The following SLC30A1 variants were observed in gnomAD, a reference collection of about 807,000 sequenced individuals.
SLC30A1 encodes the protein proton-coupled zinc antiporter SLC30A1.
SLC30A1 carries 7 observed loss-of-function variants against 29.8 expected under a neutral mutation model. The observed-to-expected ratio is 0.23, with a 90% CI of 0.13 to 0.44. The LOEUF is 0.44. Ranked by LOEUF, SLC30A1 falls within the 20% of genes least tolerant of loss-of-function variation. The pLI, the probability that SLC30A1 is intolerant of heterozygous loss-of-function variation, is 1.00. For missense variants in SLC30A1, 446 were observed against 647.9 expected (o/e 0.69, Z 3.38); for synonymous variants, 254 against 253.5 (o/e 1.00, Z -0.02).
In SLC30A1 at chr1:211,578,040, G is replaced by C. The variant is rs764040247; in HGVS notation, c.573C>G (p.Thr191=). The stretch of plus-strand genomic sequence containing the variant: ...TGGAGTTGCTGGTATTGGCCACCAG[G>C]GTGTTGGTCTCCTCCTGGTCGGGAC... ...EQGPDQEETN[T]LVANTSNSNG... is the part of the protein sequence containing the mutation. Residue 191 remains threonine, a synonymous_variant, in exon 1 of 2, where the codon ACC becomes ACG. Transcript: ENST00000367001. 20 of 1,613,120 alleles carry C rather than the reference G, an allele frequency of 1.2e-5. No homozygotes were observed. The highest frequency in any genetic ancestry group is 2.2e-5 in the East Asian group (1 of 44,892).
chr1:211,575,542 T>A lies in SLC30A1; in HGVS notation c.1370A>T (p.Lys457Met). 1 of 1,614,226 alleles carries A rather than the reference T, an allele frequency of 6.2e-7. No homozygotes were observed. The highest frequency in any genetic ancestry group is 8.5e-7 in the Non-Finnish European group (1 of 1,180,024). Reference protein sequence around the residue: ...CGTLPQAPSGKDAEKTPAVSI... With the variant: ...CGTLPQAPSGMDAEKTPAVSI... ...AACTGCTGGGGTCTTTTCTGCATCC[T>A]TTCCAGAAGGGGCTTGTGGTAGTGT... The change falls in exon 2 of 2, where the codon AAG becomes ATG. Residue 457 changes from lysine (K) to methionine (M), a missense_variant. This residue lies in a region of SLC30A1 where 187 missense variants were observed against 312.7 expected (regional missense o/e 0.60). Transcript: ENST00000367001. This position sits in a 1 kb window ranked among gnomAD's most constrained non-coding sequence, Gnocchi z 6.0.
rs1706703579 is a variant in SLC30A1, at chr1:211,575,200, C to CTAAT, written c.*184_*187dup. 1 of 579,742 alleles carries CTAAT rather than the reference C, an allele frequency of 1.7e-6. No homozygotes were observed. Among genetic ancestry groups the CTAAT allele is most frequent in the African/African-American group, 1.9e-5 (1 of 53,544 alleles). 35.9% of individuals were successfully genotyped at this position (579,742 alleles called of 1,614,324 possible). A position where few individuals can be genotyped will look rare whatever the true frequency, so the allele number is the denominator to read the frequency against. ...AGTCACAGCATAGCTGTACTCTGTA[C>CTAAT]TAATAATCACAAAATTGTAATATAG... On this transcript the variant is annotated 3_prime_UTR_variant, in exon 2 of 2. Transcript: ENST00000367001. The surrounding 1 kb of genome is among the most constrained non-coding windows in gnomAD (Gnocchi z 6.0).
chr1:211,573,705 T>C lies in SLC30A1; in HGVS notation c.*1683A>G, dbSNP rs1359566411. On this transcript the variant is annotated 3_prime_UTR_variant, in exon 2 of 2. Transcript: ENST00000367001. ...TCAGTTTAGGAATTGAATTACACAA[T>C]ATCAGATAAGAATATTAAAAGATCA... The C allele has an allele frequency of 6.6e-6, 1 of 152,042 alleles. No homozygotes were observed. Among genetic ancestry groups the C allele is most frequent in the East Asian group, 1.9e-4 (1 of 5,204 alleles). The allele number at this position is 152,042 out of a possible 1,614,324, so 9.4% of individuals were successfully genotyped here. A position where few individuals can be genotyped will look rare whatever the true frequency, so the allele number is the denominator to read the frequency against.
rs1353031511 is a variant in SLC30A1, at chr1:211,578,382, G to C, written c.231C>G (p.Ala77=). The C allele has an allele frequency of 6.2e-7, 1 of 1,613,810 alleles. No individual in the cohort carries two copies. Among genetic ancestry groups the C allele is most frequent in the Admixed American group, 1.7e-5 (1 of 60,018 alleles). ...CGTTCACCAGAGCCCCCATTACCTC[G>C]GCTCGGATCCAGCCGAACGTGTTCT... ...TQKNTFGWIR[A]EVMGALVNAI... The change falls in exon 1 of 2, where the codon GCC becomes GCG. Residue 77 remains alanine, a synonymous_variant. Transcript: ENST00000367001.
chr1:211,578,123 G>T lies in SLC30A1; in HGVS notation c.490C>A (p.Arg164Ser). The change falls in exon 1 of 2, where the codon CGC becomes AGC. Residue 164 changes from arginine to serine, a missense_variant. Coordinates refer to ENST00000367001, the MANE Select transcript of SLC30A1 (RefSeq NM_021194.3). The stretch of plus-strand genomic sequence containing the variant: ...CTCCCGGGGCGGGTGCTCTTAACGC[G>T]AGGCCCCTTGGGGAGGCCGTGGCCG... ...GHGHGLPKGP[R>S]VKSTRPGSSD... The T allele has an allele frequency of 6.2e-7, 1 of 1,609,448 alleles. No homozygotes were observed. The highest frequency in any genetic ancestry group is 8.5e-7 in the Non-Finnish European group (1 of 1,178,604).
Position 211,575,403 on chromosome 1 carries a change from A to G in SLC30A1, c.1509T>C (p.Pro503=). ...IEIKNMPNKQ[P]ESSL is the part of the protein sequence containing the mutation. ...TTTTCAAGACTCACAAAGATGATTC[A>G]GGTTGTTTGTTTGGCATGTTTTTAA... The change falls in exon 2 of 2, where the codon CCT becomes CCC. Residue 503 remains proline, a synonymous_variant. Coordinates refer to ENST00000367001, the MANE Select transcript of SLC30A1 (RefSeq NM_021194.3). This position sits in a 1 kb window ranked among gnomAD's most constrained non-coding sequence, Gnocchi z 6.0. The G allele has an allele frequency of 6.3e-7, 1 of 1,592,636 alleles. No homozygotes were observed. The highest frequency in any genetic ancestry group is 8.5e-7 in the Non-Finnish European group (1 of 1,171,108).
chr1:211,572,023 A>G lies in SLC30A1; in HGVS notation c.*3365T>C, dbSNP rs1706659413. On this transcript the variant is annotated 3_prime_UTR_variant, in exon 2 of 2. Coordinates refer to ENST00000367001, the MANE Select transcript of SLC30A1 (RefSeq NM_021194.3). ...ATCTTTTTGCCAAAGACACTGGACC[A>G]TAAAATTTTTGGTTTAAAAGTTTAA... The G allele has an allele frequency of 6.6e-6, 1 of 152,154 alleles. No individual in the cohort carries two copies. The allele number at this position is 152,154 out of a possible 1,614,324, so 9.4% of individuals were successfully genotyped here. A position where few individuals can be genotyped will look rare whatever the true frequency, so the allele number is the denominator to read the frequency against.
Position 211,575,978 on chromosome 1 carries a change from A to T in SLC30A1, c.934T>A (p.Trp312Arg), listed in dbSNP as rs1183933041. Residue 312 changes from tryptophan to arginine, a missense_variant, in exon 2 of 2, where the codon TGG (tryptophan) becomes AGG (arginine). This residue lies in a region of SLC30A1 where 187 missense variants were observed against 312.7 expected (regional missense o/e 0.60). Coordinates refer to ENST00000367001, the MANE Select transcript of SLC30A1 (RefSeq NM_021194.3). The surrounding 1 kb of genome is among the most constrained non-coding windows in gnomAD (Gnocchi z 6.0). ...HASVYEAGPC[W>R]VLYLDPTLCV... is the part of the protein sequence containing the mutation. The stretch of plus-strand genomic sequence containing the variant: ...AGAGTTGGATCTAAATATAGCACCC[A>T]GCAAGGACCAGCCTCATAAACTGAT... 1.2e-6 allele frequency: 2 copies of T among 1,613,838 alleles called. No individual in the cohort carries two copies. The highest frequency in any genetic ancestry group is 1.7e-6 in the Non-Finnish European group (2 of 1,179,860).
chr1:211,575,732 T>C lies in SLC30A1; in HGVS notation c.1180A>G (p.Thr394Ala), dbSNP rs753738069. ...GTTTTAGCCACCTCCATGTATGATG[T>C]TGGATCTTCACATTTTATGTGAGCA... ...ATAHIKCEDP[T>A]SYMEVAKTIK... The change falls in exon 2 of 2, where the codon ACA becomes GCA. Residue 394 changes from threonine (T) to alanine (A), a missense_variant. Transcript: ENST00000367001. The surrounding 1 kb of genome is among the most constrained non-coding windows in gnomAD (Gnocchi z 6.0). 5.6e-6 allele frequency: 9 copies of C among 1,614,172 alleles called. 1 individual carries two copies. The highest frequency in any genetic ancestry group is 4.4e-5 in the South Asian group (4 of 91,080).
rs1706692936 is a variant in SLC30A1, at chr1:211,574,355, G to T, written c.*1033C>A. ...ATATCCAAACTGCATTAACCTTCTGGTTTTCTTTCCTCTCAAGTCAGTGAC... is the reference window on the plus strand; with the variant it reads ...ATATCCAAACTGCATTAACCTTCTGTTTTTCTTTCCTCTCAAGTCAGTGAC... On this transcript the variant is annotated 3_prime_UTR_variant, in exon 2 of 2. Coordinates refer to ENST00000367001, the MANE Select transcript of SLC30A1 (RefSeq NM_021194.3). 1.3e-5 allele frequency: 2 copies of T among 151,926 alleles called. No homozygotes were observed. The highest frequency in any genetic ancestry group is 4.2e-4 in the South Asian group (2 of 4,818). The allele number at this position is 151,926 out of a possible 1,614,324, so 9.4% of individuals were successfully genotyped here. A position where few individuals can be genotyped will look rare whatever the true frequency, so the allele number is the denominator to read the frequency against.
Position 211,578,199 on chromosome 1 carries a change from G to A in SLC30A1, c.414C>T (p.Ser138=), listed in dbSNP as rs1460463080. ...VLGLCLFHHH[S]GFSQDSGHGH... Reference sequence around the variant, plus strand: ...CGTGGCCGGAGTCCTGGCTGAAGCCGCTGTGATGGTGGAAGAGGCAGAGCC... The same window carrying A: ...CGTGGCCGGAGTCCTGGCTGAAGCCACTGTGATGGTGGAAGAGGCAGAGCC... The change falls in exon 1 of 2, where the codon AGC becomes AGT. Residue 138 remains serine, a synonymous_variant. Transcript: ENST00000367001. 1 of 1,610,338 alleles carries A rather than the reference G, an allele frequency of 6.2e-7. No homozygotes were observed. Among genetic ancestry groups the A allele is most frequent in the Non-Finnish European group, 8.5e-7 (1 of 1,178,910 alleles).
chr1:211,578,635 G>A lies in SLC30A1; in HGVS notation c.-23C>T, dbSNP rs746411000. On this transcript the variant is annotated 5_prime_UTR_variant, in exon 1 of 2. Coordinates refer to ENST00000367001, the MANE Select transcript of SLC30A1 (RefSeq NM_021194.3). ...CATGGCTGCGGCTGCGGGGCCCGCC[G>A]AGCCCGGCCCGGAGACTGGTGCAGC... The A allele has an allele frequency of 3.3e-6, 5 of 1,518,180 alleles. No individual in the cohort carries two copies. The East Asian group carries it at 9.6e-5, about 29-fold the overall frequency. The allele number at this position is 1,518,180 out of a possible 1,614,324, so 94.0% of individuals were successfully genotyped here. A position where few individuals can be genotyped will look rare whatever the true frequency, so the allele number is the denominator to read the frequency against.
In SLC30A1 at chr1:211,578,524, C is replaced by G. The variant is rs1219772915; in HGVS notation, c.89G>C (p.Arg30Pro). 1.2e-6 allele frequency: 2 copies of G among 1,610,896 alleles called. No individual in the cohort carries two copies. The highest frequency in any genetic ancestry group is 1.7e-6 in the Non-Finnish European group (2 of 1,179,048). Residue 30 changes from arginine to proline, a missense_variant, in exon 1 of 2, where the codon CGG becomes CCG. By Grantham distance (103) the Arg-to-Pro change is moderately radical (BLOSUM62 -2). This residue lies in a region of SLC30A1 where 62 missense variants were observed against 91.5 expected (regional missense o/e 0.68). Coordinates refer to ENST00000367001, the MANE Select transcript of SLC30A1 (RefSeq NM_021194.3). ...MFMVLEVVVS[R>P]VTSSLAMLSD... Reference sequence around the variant, plus strand: ...GAGCATCGCCAGCGACGAGGTCACCCGGCTCACCACCACCTCCAGCACCAT... The same window carrying G: ...GAGCATCGCCAGCGACGAGGTCACCGGGCTCACCACCACCTCCAGCACCAT...
In SLC30A1 at chr1:211,572,162, A is replaced by G. The variant is rs1706661255; in HGVS notation, c.*3226T>C. On this transcript the variant is annotated 3_prime_UTR_variant, in exon 2 of 2. Coordinates refer to ENST00000367001, the MANE Select transcript of SLC30A1 (RefSeq NM_021194.3). Reference sequence around the variant, plus strand: ...CATAGTATCGGTAGAGCTACATCAAAATAGTGCTATTATAATCCCAATTTC... The same window carrying G: ...CATAGTATCGGTAGAGCTACATCAAGATAGTGCTATTATAATCCCAATTTC... 2 of 152,118 alleles carry G rather than the reference A, an allele frequency of 1.3e-5. No individual in the cohort carries two copies. The highest frequency in any genetic ancestry group is 4.1e-4 in the South Asian group (2 of 4,836). The allele number at this position is 152,118 out of a possible 1,614,324, so 9.4% of individuals were successfully genotyped here.
At chr1:211,576,845 GATT>G (rs764323806) in intron 1 of SLC30A1, among the ~76,000 whole-genome samples, 6 of 152,130 alleles carry the variant, frequency 3.9e-5, no homozygotes, top group South Asian at 2.1e-4. Context: ...TAATCACAGA[GATT>G]ATTAGAAAAA....
At position 211,578,127 on chromosome 1, in the gene SLC30A1, C is replaced by T; in HGVS notation, c.486G>A (p.Gly162=). Residue 162 remains glycine, a synonymous_variant, in exon 1 of 2, where the codon GGG becomes GGA. Coordinates refer to ENST00000367001, the MANE Select transcript of SLC30A1 (RefSeq NM_021194.3). The stretch of plus-strand genomic sequence containing the variant: ...CGGGGCGGGTGCTCTTAACGCGAGG[C>T]CCCTTGGGGAGGCCGTGGCCGTGGC... ...GHGHGHGLPK[G]PRVKSTRPGS... is the part of the protein sequence containing the mutation. 1.2e-6 allele frequency: 2 copies of T among 1,609,258 alleles called. No homozygotes were observed. Among genetic ancestry groups the T allele is most frequent in the Admixed American group, 1.7e-5 (1 of 59,552 alleles).
In SLC30A1 at chr1:211,575,199, A is replaced by G. The variant is rs946961557; in HGVS notation, c.*189T>C. 5.2e-6 allele frequency: 3 copies of G among 579,224 alleles called. No individual in the cohort carries two copies. The highest frequency in any genetic ancestry group is 4.5e-5 in the South Asian group (2 of 44,134). The allele number at this position is 579,224 out of a possible 1,614,324, so 35.9% of individuals were successfully genotyped here. ...CAGTCACAGCATAGCTGTACTCTGT[A>G]CTAATAATCACAAAATTGTAATATA... On this transcript the variant is annotated 3_prime_UTR_variant, in exon 2 of 2. Transcript: ENST00000367001. This position sits in a 1 kb window ranked among gnomAD's most constrained non-coding sequence, Gnocchi z 6.0.
At position 211,575,455 on chromosome 1, in the gene SLC30A1, T is replaced by G; in HGVS notation, c.1457A>C (p.Glu486Ala). 1 of 1,613,976 alleles carries G rather than the reference T, an allele frequency of 6.2e-7. No individual in the cohort carries two copies. The highest frequency in any genetic ancestry group is 8.5e-7 in the Non-Finnish European group (1 of 1,179,910). ...CTCTATCACAACAGCAGGGATGTTT[T>G]CAGCTTTAGTCCTCCTGGGCTTCTT... ...LEKKPRRTKAENIPAVVIEIK... is the reference protein window; with the variant it reads ...LEKKPRRTKAANIPAVVIEIK... Residue 486 changes from glutamate to alanine, a missense_variant, in exon 2 of 2, where the codon GAA (glutamate) becomes GCA (alanine). Glu to Ala is a moderately radical substitution (Grantham distance 107, BLOSUM62 -1). Transcript: ENST00000367001. The surrounding 1 kb of genome is among the most constrained non-coding windows in gnomAD (Gnocchi z 6.0).
rs1468760721 is a variant in SLC30A1, at chr1:211,572,737, C to T, written c.*2651G>A. 1 of 152,068 alleles carries T rather than the reference C, an allele frequency of 6.6e-6. No individual in the cohort carries two copies. Among genetic ancestry groups the T allele is most frequent in the Non-Finnish European group, 1.5e-5 (1 of 67,946 alleles). The allele number at this position is 152,068 out of a possible 1,614,324, so 9.4% of individuals were successfully genotyped here. The stretch of plus-strand genomic sequence containing the variant: ...CATCCTTCAGAAAAAACTAAGCAAT[C>T]ATAAAAGCTAAAAGGTGACAATGGA... On this transcript the variant is annotated 3_prime_UTR_variant, in exon 2 of 2. Transcript: ENST00000367001.
Sources: gnomAD v4.1 joint callset for allele counts (sites outside exome capture counted in the v4.1 genomes callset) on GRCh38, gnomAD v4.1.1 for gene constraint, gnomAD v4.1.1 regional missense constraint, Gnocchi (gnomAD v3.1) non-coding constraint, MANE v1.5 for transcripts, NCBI Gene and HGNC (gene_info 2026-07-23, HGNC 2026-07-21) for gene names.